Variants in ALCAM observed in about 807,000 individuals in gnomAD.
ALCAM encodes the protein CD166 antigen.
Under a neutral mutation model 70.9 loss-of-function variants are expected in ALCAM, and 30 were observed. That is an observed-to-expected ratio of 0.42 (90% CI 0.32 to 0.57). The LOEUF is 0.57. ALCAM is among the 20% of genes least tolerant of loss of function. ALCAM has a pLI of 0.11. For synonymous variants in ALCAM, 249 were observed against 242.5 expected, an observed-to-expected ratio of 1.03 and a Z score of -0.25; for missense variants, 591 against 695.1, an observed-to-expected ratio of 0.85 and a Z score of 1.68.
chr3:105,478,875 G>A (rs756078259), intron 1 of ALCAM, among the ~76,000 whole-genome samples: 65 of 152,150 alleles, frequency 4.3e-4, no homozygotes, highest in Non-Finnish European at 9.0e-4. Context: ...AGTTCTCTGA[G>A]CTTATAATAA....
chr3:105,459,144 A>G (rs975998310), intron 1 of ALCAM, among the ~76,000 whole-genome samples: 1 of 152,132 alleles, frequency 6.6e-6, no homozygotes, highest in Non-Finnish European at 1.5e-5. Context: ...ATCCAGAAGT[A>G]TGAACTCCTC....
chr3:105,556,476 C>T (rs1559655602), intron 14 of ALCAM, among the ~76,000 whole-genome samples: 1 of 151,772 alleles, frequency 6.6e-6, no homozygotes, highest in Non-Finnish European at 1.5e-5. Context: ...AGAAATAATC[C>T]GAAAATCTAA....
At chr3:105,459,815 A>G (rs1289025947) in intron 1 of ALCAM, among the ~76,000 whole-genome samples, 1 of 152,124 alleles carries the variant, frequency 6.6e-6, no homozygotes, top group African/African-American at 2.4e-5. Flanking sequence ...AAAACTTCCT[A>G]GGGAAATCAT....
intron 1 of ALCAM, among the ~76,000 whole-genome samples, chr3:105,464,537 T>C (rs1003995104): frequency 6.6e-6 from 1 of 151,312 alleles, no homozygotes; most frequent in East Asian, 1.9e-4. Context: ...AAATAACAAC[T>C]TTTTATTGCA....
rs747046838 is a variant in ALCAM at position 105,534,665 on chromosome 3, G to A, written c.550G>A (p.Val184Met). 17 of 1,613,374 alleles carry A rather than the reference G, an allele frequency of 1.1e-5. No homozygotes were observed. The East Asian group carries it at 1.1e-4, about 11-fold the overall frequency. ...GKVLHPLEGAVVIIFKKEMDP... is the reference protein window; with the variant it reads ...GKVLHPLEGAMVIIFKKEMDP... ...TCAGTGTTCTTTATTTTCTTCAGCG[G>A]TGGTCATAATTTTTAAAAAGGAAAT... is the stretch of plus-strand genomic sequence containing the variant. The change falls in exon 6 of 16, where the codon GTG (valine) becomes ATG (methionine). Residue 184 changes from valine to methionine, a missense_variant and splice_region_variant. Physicochemically the swap from Val to Met is conservative, Grantham distance 21. This residue lies in a region of ALCAM where 427 missense variants were observed against 450.4 expected (regional missense o/e 0.95). Transcript: ENST00000306107.
intron 1 of ALCAM, among the ~76,000 whole-genome samples, chr3:105,407,032 A>G (rs186284795): frequency 6.6e-6 from 1 of 152,270 alleles, no homozygotes; most frequent in Non-Finnish European, 1.5e-5. Context: ...GAACAGACCA[A>G]TAACAAGCAA....
At chr3:105,458,861 A>G (rs1937567236) in intron 1 of ALCAM, among the ~76,000 whole-genome samples, 1 of 152,150 alleles carries the variant, frequency 6.6e-6, no homozygotes, top group African/African-American at 2.4e-5. Context: ...TATTGCAGAA[A>G]TACCCTATTT....
intron 14 of ALCAM, among the ~76,000 whole-genome samples, chr3:105,571,530 T>A (rs977425565): frequency 6.6e-6 from 1 of 152,250 alleles, no homozygotes; most frequent in Non-Finnish European, 1.5e-5. Flanking sequence ...AAATTTACAC[T>A]ATCAAATGAG....
At chr3:105,543,172 A>G (rs1269373414) in intron 8 of ALCAM, among the ~76,000 whole-genome samples, 1 of 151,704 alleles carries the variant, frequency 6.6e-6, no homozygotes. Flanking sequence ...GCTCTTATTT[A>G]CTTTACTTGT....
At chr3:105,473,867 A>T (rs140060465) in intron 1 of ALCAM, among the ~76,000 whole-genome samples, 118 of 151,036 alleles carry the variant, frequency 7.8e-4, no homozygotes, top group African/African-American at 2.8e-3. Flanking sequence ...AATAAGGCAG[A>T]GCCAGACAGT....
At chr3:105,462,299 G>T (rs1463154518) in intron 1 of ALCAM, among the ~76,000 whole-genome samples, 1 of 151,446 alleles carries the variant, frequency 6.6e-6, no homozygotes, top group African/African-American at 2.4e-5. Context: ...CTTTGATAAG[G>T]TGGCATGTGG....
intron 1 of ALCAM, among the ~76,000 whole-genome samples, chr3:105,400,972 G>A (rs1936074281): frequency 6.6e-6 from 1 of 152,112 alleles, no homozygotes; most frequent in African/African-American, 2.4e-5. Flanking sequence ...CACAAAGTAG[G>A]CACTCAAGAA....
chr3:105,403,289 C>A (rs774693723), intron 1 of ALCAM, among the ~76,000 whole-genome samples: 1 of 152,104 alleles, frequency 6.6e-6, no homozygotes, highest in Non-Finnish European at 1.5e-5. Flanking sequence ...TGGAGGCCAA[C>A]AAACACAAAA....
chr3:105,401,656 C>G (rs1007621658), intron 1 of ALCAM, among the ~76,000 whole-genome samples: 2 of 152,076 alleles, frequency 1.3e-5, no homozygotes, highest in African/African-American at 2.4e-5. Context: ...CATTCTGACT[C>G]TTTTAGAAAG....
chr3:105,506,433 G>A (rs1939079619), intron 1 of ALCAM, among the ~76,000 whole-genome samples: 1 of 152,108 alleles, frequency 6.6e-6, no homozygotes, highest in South Asian at 2.1e-4. Context: ...TGTTTGTTTG[G>A]TTTCCAATTA....
chr3:105,530,540 T>A (rs1464353812), intron 3 of ALCAM, among the ~76,000 whole-genome samples: 1 of 152,058 alleles, frequency 6.6e-6, no homozygotes, highest in Admixed American at 6.6e-5. Context: ...TGTGTCTTCC[T>A]ATTTTTCTAT....
intron 1 of ALCAM, among the ~76,000 whole-genome samples, chr3:105,432,744 G>A (rs1010024978): frequency 1.3e-5 from 2 of 151,910 alleles, no homozygotes; most frequent in African/African-American, 4.8e-5. Context: ...TACTTACTTA[G>A]TACTCCACTC....
chr3:105,566,150 G>A (rs577121941), intron 14 of ALCAM, among the ~76,000 whole-genome samples: 1 of 152,280 alleles, frequency 6.6e-6, no homozygotes, highest in South Asian at 2.1e-4. Context: ...GCCCAGTGAA[G>A]CAACTGGAAC....
Position 105,467,456 on chromosome 3 carries a change from C to T in ALCAM, c.74-52611C>T, listed in dbSNP as rs1937777214. On this transcript the variant is annotated intron_variant, in intron 1 of 15. Coordinates refer to ENST00000306107, the MANE Select transcript of ALCAM (RefSeq NM_001627.4). ...ATTATTAGCCTTAAAGAGCCTCACT[C>T]ATGGAGAATGTGAGAGGCACACAGG... is the stretch of plus-strand genomic sequence containing the variant. Among the ~76,000 whole-genome samples, 3 of 151,114 alleles carry T rather than the reference C, an allele frequency of 2.0e-5. No homozygotes were observed. The Admixed American group carries it at 2.0e-4, about 10-fold the overall frequency.
Sources: allele counts gnomAD v4.1 joint callset (sites outside exome capture counted in the v4.1 genomes callset), GRCh38; gene constraint gnomAD v4.1.1; regional missense constraint gnomAD v4.1.1; transcripts MANE v1.5; gene names NCBI Gene and HGNC (gene_info 2026-07-23, HGNC 2026-07-21).